Variants in SSBP3 observed in about 807,000 individuals in gnomAD.
SSBP3 encodes the protein single stranded DNA binding protein 3.
Under a neutral mutation model 69.6 loss-of-function variants are expected in SSBP3, and 5 were observed. The observed-to-expected ratio is 0.07, with a 90% CI of 0.04 to 0.15. The LOEUF (loss-of-function observed/expected upper bound fraction) is 0.15, where lower values mean the gene tolerates loss of function less well. SSBP3 is among the 10% of genes least tolerant of loss of function. The probability of loss-of-function intolerance (pLI) is 1.00; values close to 1 mark genes in which losing one functional copy is unlikely to be tolerated. For missense variants in SSBP3, 312 were observed against 534.0 expected (o/e 0.58, Z 4.10); for synonymous variants, 196 against 193.4 (o/e 1.01, Z -0.11).
intron 4 of SSBP3, among the ~76,000 whole-genome samples, chr1:54,316,974 C>A (rs141683457): frequency 1.9e-4 from 29 of 152,212 alleles, no homozygotes; most frequent in African/African-American, 7.0e-4. Flanking sequence ...GACGATGGAG[C>A]CCTCATGACC....
intron 1 of SSBP3, 80 bp from the exon 2 acceptor site, chr1:54,405,010 G>A: frequency 7.7e-7 from 1 of 1,301,012 alleles, no homozygotes; most frequent in Non-Finnish European, 1.1e-6. Flanking sequence ...TTGCCAGCAG[G>A]CTTTGAGCCC....
chr1:54,390,074 C>G (rs1448516141), intron 4 of SSBP3, among the ~76,000 whole-genome samples: 2 of 152,054 alleles, frequency 1.3e-5, no homozygotes, highest in Non-Finnish European at 2.9e-5. Context: ...ATACGGTTAG[C>G]ACTCAATAAT....
intron 4 of SSBP3, among the ~76,000 whole-genome samples, chr1:54,390,968 C>G (rs1648448977): frequency 6.6e-6 from 1 of 152,254 alleles, no homozygotes; most frequent in South Asian, 2.1e-4. Flanking sequence ...CATCTGCCCC[C>G]TCAGCACCGG....
rs56281276 is a variant in SSBP3, at chr1:54,240,087, TGCGCGC to T, written c.856+812_856+817del. 6.0e-3 allele frequency among the ~76,000 whole-genome samples: 253 copies of T among 42,318 alleles called. 1 individual carries two copies. The highest frequency in any genetic ancestry group is 0.023 in the African/African-American group (167 of 7,382). 27.8% of individuals were successfully genotyped at this position (42,318 alleles called of 152,430 possible). On this transcript the variant is annotated intron_variant, in intron 13 of 17. Transcript: ENST00000610401. ...GTGTGTGTGTGTGTGTGTGTGTGTG[TGCGCGC>T]GCGCGCGTGTGCGTGCGCGCGCGCG...
chr1:54,383,048 A>C (rs539889981), intron 4 of SSBP3, among the ~76,000 whole-genome samples: 1 of 148,282 alleles, frequency 6.7e-6, no homozygotes, highest in South Asian at 2.2e-4. Flanking sequence ...AAGAAAGAGA[A>C]GGAAGGAAGG....
intron 4 of SSBP3, among the ~76,000 whole-genome samples, chr1:54,347,530 G>A (rs931766300): frequency 2.6e-5 from 4 of 152,132 alleles, no homozygotes; most frequent in African/African-American, 9.7e-5. Flanking sequence ...TGTTTCCCCT[G>A]AATATTTTTG....
chr1:54,233,859 C>T (rs1477328507), intron 14 of SSBP3, among the ~76,000 whole-genome samples: 4 of 152,266 alleles, frequency 2.6e-5, no homozygotes, highest in Non-Finnish European at 4.4e-5. Context: ...TGCCCAACAG[C>T]TCACTGAGAA....
chr1:54,319,915 C>T (rs1390433875), intron 4 of SSBP3, among the ~76,000 whole-genome samples: 1 of 152,150 alleles, frequency 6.6e-6, no homozygotes, highest in Non-Finnish European at 1.5e-5. Context: ...GCTGGAGAAA[C>T]TGGCTTCAAA....
At chr1:54,240,103 T>TGC (rs1491201641) in intron 13 of SSBP3, among the ~76,000 whole-genome samples, 11 of 22,182 alleles carry the variant, frequency 5.0e-4, no homozygotes, top group East Asian at 4.4e-3. Flanking sequence ...CGCGCGCGTG[T>TGC]GCGTGCGCGC....
At chr1:54,378,829 G>A (rs1339820481) in intron 4 of SSBP3, among the ~76,000 whole-genome samples, 1 of 152,216 alleles carries the variant, frequency 6.6e-6, no homozygotes, top group Non-Finnish European at 1.5e-5. Context: ...AAGAGACAAA[G>A]GGACAGGAAA....
chr1:54,404,465 CGCAGAGGGCCACAGG>C, intron 3 of SSBP3, 96 bp downstream of exon 3: 1 of 1,350,412 alleles, frequency 7.4e-7, no homozygotes, highest in African/African-American at 1.4e-5. Flanking sequence ...CTCTGTGCAA[CGCAGAGGGCCACAGG>C]GCGGAGGGCC....
chr1:54,352,132 C>G (rs150411866), intron 4 of SSBP3, among the ~76,000 whole-genome samples: 1 of 152,026 alleles, frequency 6.6e-6, no homozygotes, highest in Non-Finnish European at 1.5e-5. Context: ...CCTATCTCTA[C>G]AAAACAAACA....
intron 4 of SSBP3, among the ~76,000 whole-genome samples, chr1:54,396,193 GAAAAAAAAA>G (rs59276509): frequency 1.3e-3 from 51 of 40,578 alleles, no homozygotes; most frequent in East Asian, 1.7e-3. Context: ...CTCCATCTCA[GAAAAAAAAA>G]AAAAAAAAAA....
intron 4 of SSBP3, among the ~76,000 whole-genome samples, chr1:54,396,548 C>G (rs892973960): frequency 6.6e-6 from 1 of 152,088 alleles, no homozygotes; most frequent in African/African-American, 2.4e-5. Flanking sequence ...GGAAGGGGGC[C>G]AGGCACCCTT....
chr1:54,270,396 G>A (rs1382969454), intron 5 of SSBP3, among the ~76,000 whole-genome samples: 1 of 152,130 alleles, frequency 6.6e-6, no homozygotes, highest in Non-Finnish European at 1.5e-5. Context: ...CAGGGCACTA[G>A]GAGTCAAGGT....
chr1:54,359,778 T>TGAGC (rs948690806), intron 4 of SSBP3, among the ~76,000 whole-genome samples: 5 of 151,782 alleles, frequency 3.3e-5, no homozygotes, highest in African/African-American at 1.2e-4. Context: ...ATGGAGCAGG[T>TGAGC]GAGCATTCAT....
chr1:54,243,328 GAGA>G (rs752241467), intron 9 of SSBP3, 29 bp from the exon 10 acceptor site: 26 of 1,613,810 alleles, frequency 1.6e-5, no homozygotes, highest in Non-Finnish European at 2.1e-5. Context: ...GTCAGTCTAT[GAGA>G]AGAAGGGAAC....
rs5774181 is a variant in SSBP3 at position 54,284,103 on chromosome 1, CTTTTTTTTTT to C, written c.277-2586_277-2577del. The stretch of plus-strand genomic sequence containing the variant: ...CTTCTTATGTACCATTATTTAACCA[CTTTTTTTTTT>C]TTTTTTTTTTTTTTTTAAGACACAG... On this transcript the variant is annotated intron_variant, in intron 4 of 17. Coordinates refer to ENST00000610401, the Ensembl canonical transcript of SSBP3. Among the ~76,000 whole-genome samples the C allele has an allele frequency of 4.9e-3, 429 of 87,574 alleles. 2 individuals carry two copies. The highest frequency in any genetic ancestry group is 0.021 in the African/African-American group (403 of 19,538). The allele number at this position is 87,574 out of a possible 152,430, so 57.5% of individuals were successfully genotyped here.
At chr1:54,249,700 A>G (rs1023768044) in intron 9 of SSBP3, among the ~76,000 whole-genome samples, 9 of 129,068 alleles carry the variant, frequency 7.0e-5, no homozygotes, top group African/African-American at 2.9e-4. Flanking sequence ...AACTTTTTTT[A>G]TTTTTTAAAA....
Sources: gnomAD v4.1 joint callset for allele counts (sites outside exome capture counted in the v4.1 genomes callset) on GRCh38, gnomAD v4.1.1 for gene constraint, MANE v1.5 for transcripts, NCBI Gene and HGNC (gene_info 2026-07-23, HGNC 2026-07-21) for gene names.